YIPF4: variants seen among roughly 807,000 people sequenced by gnomAD.
YIPF4 encodes the protein protein YIPF4.
Under a neutral mutation model 29.4 loss-of-function variants are expected in YIPF4, and 18 were observed. The ratio of observed to expected loss-of-function variants is 0.61; its 90% confidence interval spans 0.42 to 0.91. YIPF4 has a LOEUF of 0.91. Among genes scored for constraint, YIPF4 ranks in the 40% least tolerant of loss-of-function variants. YIPF4 has a pLI of 0.00. For missense variants in YIPF4, 279 were observed against 282.7 expected, an observed-to-expected ratio of 0.99 and a Z score of 0.09; for synonymous variants, 115 against 104.7, an observed-to-expected ratio of 1.10 and a Z score of -0.60.
In YIPF4 at chr2:32,315,026, A is replaced by G. The variant is rs1442949513; in HGVS notation, c.*9400A>G. On this transcript the variant is annotated 3_prime_UTR_variant, in exon 6 of 6. Coordinates refer to ENST00000238831, the MANE Select transcript of YIPF4 (RefSeq NM_032312.4). The stretch of plus-strand genomic sequence containing the variant: ...TTTATTTTTTCACGTAATAAATCCA[A>G]GGTTACATAATCCATAACTGATATG... 1 of 152,230 alleles carries G rather than the reference A, an allele frequency of 6.6e-6. No individual in the cohort carries two copies. The allele number at this position is 152,230 out of a possible 1,614,324, so 9.4% of individuals were successfully genotyped here. A position where few individuals can be genotyped will look rare whatever the true frequency, so the allele number is the denominator to read the frequency against.
intron 1 of YIPF4, among the ~76,000 whole-genome samples, chr2:32,285,138 G>A (rs2030611523): frequency 6.6e-6 from 1 of 152,148 alleles, no homozygotes; most frequent in Admixed American, 6.5e-5. Context: ...ATGGTAAGTG[G>A]ACAGACATTT....
At chr2:32,298,949 C>G (rs1330585193) in intron 4 of YIPF4, among the ~76,000 whole-genome samples, 2 of 152,022 alleles carry the variant, frequency 1.3e-5, no homozygotes, top group African/African-American at 4.8e-5. Context: ...ACAATCTCGG[C>G]TCACTGCTAC....
Position 32,298,224 on chromosome 2 carries a change from T to C in YIPF4, c.406-10T>C, listed in dbSNP as rs759108897. Reference sequence around the variant, plus strand: ...ATAAAAATATTAATTGCATGATTTTTCCCCCTAAGGTGGTCTCATGGATTA... The same window carrying C: ...ATAAAAATATTAATTGCATGATTTTCCCCCCTAAGGTGGTCTCATGGATTA... On this transcript the variant is annotated splice_polypyrimidine_tract_variant and intron_variant, in intron 3 of 5. Transcript: ENST00000238831. 1.9e-6 allele frequency: 3 copies of C among 1,581,524 alleles called. No homozygotes were observed. The African/African-American group carries it at 4.1e-5, about 21-fold the overall frequency.
intron 3 of YIPF4, among the ~76,000 whole-genome samples, chr2:32,293,444 A>G (rs1406258086): frequency 6.6e-6 from 1 of 152,174 alleles, no homozygotes; most frequent in Non-Finnish European, 1.5e-5. Context: ...AGGCAGAAGA[A>G]TTTTTCTTAG....
In YIPF4 at chr2:32,316,265, T is replaced by C. The variant is rs957225807; in HGVS notation, c.*10639T>C. ...TACTTGGACAATCATATCATGTATG[T>C]AATATTAATATTTATAAATCAATAA... On this transcript the variant is annotated 3_prime_UTR_variant, in exon 6 of 6. Transcript: ENST00000238831. 1 of 152,186 alleles carries C rather than the reference T, an allele frequency of 6.6e-6. No homozygotes were observed. The highest frequency in any genetic ancestry group is 2.4e-5 in the African/African-American group (1 of 41,432). The allele number at this position is 152,186 out of a possible 1,614,324, so 9.4% of individuals were successfully genotyped here.
intron 1 of YIPF4, among the ~76,000 whole-genome samples, chr2:32,288,209 C>T (rs1393080855): frequency 1.3e-5 from 2 of 152,072 alleles, no homozygotes; most frequent in Non-Finnish European, 2.9e-5. Flanking sequence ...TACATATGTC[C>T]TTGATATTTT....
rs1402534395 is a variant in YIPF4, at chr2:32,311,109, C to G, written c.*5483C>G. 1 of 152,002 alleles carries G rather than the reference C, an allele frequency of 6.6e-6. No individual in the cohort carries two copies. The highest frequency in any genetic ancestry group is 1.5e-5 in the Non-Finnish European group (1 of 68,020). 9.4% of individuals were successfully genotyped at this position (152,002 alleles called of 1,614,324 possible). Reference sequence around the variant, plus strand: ...ATGCTGATCGGTTGTGGGATCGTGCCTGTGAATAACCACTGCACTCCAGCC... The same window carrying G: ...ATGCTGATCGGTTGTGGGATCGTGCGTGTGAATAACCACTGCACTCCAGCC... On this transcript the variant is annotated 3_prime_UTR_variant, in exon 6 of 6. Coordinates refer to ENST00000238831, the MANE Select transcript of YIPF4 (RefSeq NM_032312.4).
chr2:32,288,996 C>T (rs1193267486), intron 1 of YIPF4, among the ~76,000 whole-genome samples: 1 of 152,078 alleles, frequency 6.6e-6, no homozygotes, highest in African/African-American at 2.4e-5. Flanking sequence ...CTCTTTGTAT[C>T]TATTAGAAAT....
intron 1 of YIPF4, among the ~76,000 whole-genome samples, chr2:32,282,653 C>T (rs1343872800): frequency 6.6e-6 from 1 of 152,054 alleles, no homozygotes; most frequent in Non-Finnish European, 1.5e-5. Flanking sequence ...AAGCTGTTCT[C>T]GAACTCCTGA....
In YIPF4 at chr2:32,278,169, G is replaced by T. The variant is rs1558471112; in HGVS notation, c.14G>T (p.Gly5Val). 5 of 1,566,292 alleles carry T rather than the reference G, an allele frequency of 3.2e-6. No homozygotes were observed. In the East Asian group the frequency reaches 7.2e-5, roughly 22 times the overall value. Residue 5 changes from glycine to valine, a missense_variant, in exon 1 of 6, where the codon GGC becomes GTC. Transcript: ENST00000238831. ...AGTCGCCGCGAGATGCAGCCTCCGG[G>T]CCCGCCCCCGGCCTATGCCCCCACT... is the stretch of plus-strand genomic sequence containing the variant. MQPPGPPPAYAPTNG... is the reference protein window; with the variant it reads MQPPVPPPAYAPTNG...
intron 1 of YIPF4, among the ~76,000 whole-genome samples, chr2:32,279,809 A>G (rs541137963): frequency 3.3e-5 from 5 of 151,414 alleles, no homozygotes; most frequent in African/African-American, 9.7e-5. Flanking sequence ...TTTTTTAAAA[A>G]TAGTACTGGT....
At chr2:32,288,466 T>G (rs984341045) in intron 1 of YIPF4, among the ~76,000 whole-genome samples, 1 of 152,214 alleles carries the variant, frequency 6.6e-6, no homozygotes, top group Non-Finnish European at 1.5e-5. Context: ...ACCTCTAATG[T>G]CACTGCTGTA....
chr2:32,299,554 G>T (rs1173274053), intron 4 of YIPF4, among the ~76,000 whole-genome samples: 1 of 152,220 alleles, frequency 6.6e-6, no homozygotes, highest in Non-Finnish European at 1.5e-5. Context: ...GGGCGCCGTG[G>T]CTCATACCTG....
At chr2:32,293,506 G>C (rs190401823) in intron 3 of YIPF4, among the ~76,000 whole-genome samples, 1 of 152,142 alleles carries the variant, frequency 6.6e-6, no homozygotes, top group Non-Finnish European at 1.5e-5. Context: ...ACACAGACAC[G>C]GCAACCATCC....
At chr2:32,283,466 T>C (rs2148958025) in intron 1 of YIPF4, among the ~76,000 whole-genome samples, 1 of 152,280 alleles carries the variant, frequency 6.6e-6, no homozygotes, top group East Asian at 1.9e-4. Flanking sequence ...AAAATGTGCT[T>C]TGGTGTTTTG....
chr2:32,288,812 A>T (rs2030791170), intron 1 of YIPF4, among the ~76,000 whole-genome samples: 1 of 151,974 alleles, frequency 6.6e-6, no homozygotes, highest in African/African-American at 2.4e-5. Context: ...ATAAATAAAT[A>T]AATAAAAATT....
intron 1 of YIPF4, 77 bp from the exon 2 acceptor site, chr2:32,290,406 T>C: frequency 9.0e-7 from 1 of 1,108,260 alleles, no homozygotes; most frequent in Non-Finnish European, 1.2e-6. Context: ...ATTATTTTAG[T>C]TGAATATCTG....
In YIPF4 at chr2:32,305,724, T is replaced by G. The variant is rs1047484050; in HGVS notation, c.*98T>G. ...TGGAGAAAACCTGTTGCTGCAAAAT[T>G]TTACATGTTCCAGATGGAAAGGGAA... On this transcript the variant is annotated 3_prime_UTR_variant, in exon 6 of 6. Coordinates refer to ENST00000238831, the MANE Select transcript of YIPF4 (RefSeq NM_032312.4). The G allele has an allele frequency of 2.7e-5, 35 of 1,310,476 alleles. No individual in the cohort carries two copies. In the South Asian group the frequency reaches 5.8e-4, roughly 22 times the overall value. The allele number at this position is 1,310,476 out of a possible 1,614,324, so 81.2% of individuals were successfully genotyped here.
intron 1 of YIPF4, among the ~76,000 whole-genome samples, chr2:32,289,088 A>G (rs1044068644): frequency 2.0e-5 from 3 of 152,236 alleles, no homozygotes; most frequent in Non-Finnish European, 4.4e-5. Context: ...TCACTATGCA[A>G]TTATATGATA....
Sources: allele counts gnomAD v4.1 joint callset (sites outside exome capture counted in the v4.1 genomes callset), GRCh38; gene constraint gnomAD v4.1.1; transcripts MANE v1.5; gene names NCBI Gene and HGNC (gene_info 2026-07-23, HGNC 2026-07-21).